The following FHOD3 variants were observed in gnomAD, a reference collection of about 807,000 sequenced individuals.
FHOD3 encodes formin homology 2 domain containing 3.
Under a neutral mutation model 173.0 loss-of-function variants are expected in FHOD3, and 90 were observed. The ratio of observed to expected loss-of-function variants is 0.52; its 90% CI spans 0.44 to 0.62. FHOD3 has a LOEUF of 0.62. Ranked by LOEUF, FHOD3 falls within the 20% of genes least tolerant of loss-of-function variation. The pLI, the probability that FHOD3 is intolerant of heterozygous loss-of-function variation, is 0.00. For synonymous variants in FHOD3, 828 were observed against 823.0 expected, an observed-to-expected ratio of 1.01 and a Z score of -0.10; for missense variants, 1,945 against 2,034.7, an observed-to-expected ratio of 0.96 and a Z score of 0.85.
intron 14 of FHOD3, among the ~76,000 whole-genome samples, chr18:36,662,313 G>A (rs1418311713): frequency 6.6e-6 from 1 of 152,160 alleles, no homozygotes; most frequent in African/African-American, 2.4e-5. Context: ...GGACTAGAGA[G>A]GCCACCTAGA....
At chr18:36,666,680 A>G (rs1354741263) in intron 14 of FHOD3, among the ~76,000 whole-genome samples, 1 of 152,204 alleles carries the variant, frequency 6.6e-6, no homozygotes, top group East Asian at 1.9e-4. Context: ...CAGAGATGAT[A>G]ATTTACTTTT....
intron 14 of FHOD3, among the ~76,000 whole-genome samples, chr18:36,664,777 T>TGAGAGAGAGA (rs373836211): frequency 0.047 from 6,086 of 129,388 alleles, 187 homozygotes; most frequent in Non-Finnish European, 0.062. Context: ...TGTGTGTATG[T>TGAGAGAGAGA]GAGAGAGAGA....
At chr18:36,551,993 T>C (rs560205550) in intron 5 of FHOD3, among the ~76,000 whole-genome samples, 1 of 152,320 alleles carries the variant, frequency 6.6e-6, no homozygotes, top group South Asian at 2.1e-4. Context: ...CTTTTTTGGT[T>C]CCATATGAAC....
chr18:36,707,579 G>A (rs1190901928), intron 17 of FHOD3, among the ~76,000 whole-genome samples: 1 of 152,188 alleles, frequency 6.6e-6, no homozygotes, highest in Non-Finnish European at 1.5e-5. Flanking sequence ...ATTGGGGGGT[G>A]ATGGCCCCGT....
At chr18:36,375,264 A>G (rs79122368) in intron 3 of FHOD3, among the ~76,000 whole-genome samples, 10,027 of 152,260 alleles carry the variant, frequency 0.066, 1,072 homozygotes, top group African/African-American at 0.22. Context: ...CCTTTTTCAC[A>G]TCTGTTGTTT....
At chr18:36,421,691 A>T (rs1303186909) in intron 3 of FHOD3, among the ~76,000 whole-genome samples, 3 of 152,218 alleles carry the variant, frequency 2.0e-5, no homozygotes, top group Non-Finnish European at 4.4e-5. Flanking sequence ...GCAGTCAACA[A>T]GAAAAGAACA....
chr18:36,767,468 C>T (rs1215482297), intron 27 of FHOD3, among the ~76,000 whole-genome samples: 1 of 152,146 alleles, frequency 6.6e-6, no homozygotes, highest in Admixed American at 6.6e-5. Flanking sequence ...TATAGATGCA[C>T]ACCACCATGC....
intron 5 of FHOD3, among the ~76,000 whole-genome samples, chr18:36,568,367 A>AAAAAAAG (rs1568437858): frequency 3.7e-5 from 4 of 109,352 alleles, no homozygotes; most frequent in African/African-American, 1.4e-4. Context: ...AAAAAAAAAA[A>AAAAAAAG]GGTGGTGGAG....
At chr18:36,503,874 A>G (rs889861811) in intron 4 of FHOD3, among the ~76,000 whole-genome samples, 2 of 152,022 alleles carry the variant, frequency 1.3e-5, no homozygotes, top group African/African-American at 4.8e-5. Context: ...CTGAAGTTGT[A>G]CTCCAAAAGT....
intron 14 of FHOD3, among the ~76,000 whole-genome samples, chr18:36,659,486 A>G (rs2036635426): frequency 6.6e-6 from 1 of 152,188 alleles, no homozygotes; most frequent in South Asian, 2.1e-4. Context: ...CCCTTGTCAA[A>G]TGGGATGTAA....
chr18:36,535,733 C>T (rs2056968730), intron 5 of FHOD3, among the ~76,000 whole-genome samples: 1 of 152,062 alleles, frequency 6.6e-6, no homozygotes, highest in South Asian at 2.1e-4. Context: ...ATTGTTGTAA[C>T]AGTATTTAAT....
intron 5 of FHOD3, among the ~76,000 whole-genome samples, chr18:36,565,426 T>C (rs1201649734): frequency 3.3e-5 from 5 of 152,324 alleles, no homozygotes; most frequent in Non-Finnish European, 4.4e-5. Context: ...TGTGTTCTAA[T>C]TGAAGAAAGC....
At position 36,594,767 on chromosome 18, in the gene FHOD3, G is replaced by A. The variant is rs192336811; in HGVS notation, c.607-20G>A. 2.3e-4 allele frequency: 365 copies of A among 1,585,204 alleles called. No homozygotes were observed. Among genetic ancestry groups the A allele is most frequent in the Non-Finnish European group, 3.1e-4 (353 of 1,155,530 alleles). On this transcript the variant is annotated intron_variant, in intron 6 of 28. Coordinates refer to ENST00000590592, the MANE Select transcript of FHOD3 (RefSeq NM_001281740.3). ...AGGGCCTTGTTGGCAGTGATGTGAT[G>A]GTTTTATCTCTTCTGCCAGTTCCGC...
chr18:36,365,202 C>T (rs2046838353), intron 2 of FHOD3, among the ~76,000 whole-genome samples: 1 of 152,106 alleles, frequency 6.6e-6, no homozygotes, highest in Non-Finnish European at 1.5e-5. Context: ...ATGGTTCTTG[C>T]CACATGTGCT....
intron 27 of FHOD3, among the ~76,000 whole-genome samples, chr18:36,763,785 T>C (rs2043025063): frequency 6.6e-6 from 1 of 152,084 alleles, no homozygotes; most frequent in Non-Finnish European, 1.5e-5. Context: ...TTACACCAAC[T>C]GAGGCACAGA....
chr18:36,593,033 T>TA (rs1445486444), intron 6 of FHOD3, among the ~76,000 whole-genome samples: 7 of 152,278 alleles, frequency 4.6e-5, no homozygotes, highest in South Asian at 4.1e-4. Flanking sequence ...CTCAGAGGTC[T>TA]TCCCACACTG....
chr18:36,598,782 C>G (rs2030898025), intron 7 of FHOD3, among the ~76,000 whole-genome samples: 1 of 152,188 alleles, frequency 6.6e-6, no homozygotes, highest in Non-Finnish European at 1.5e-5. Context: ...ATCTCCTGAC[C>G]TCATGATCCA....
chr18:36,440,926 G>A (rs965894423), intron 3 of FHOD3, among the ~76,000 whole-genome samples: 2 of 151,914 alleles, frequency 1.3e-5, no homozygotes, highest in South Asian at 2.1e-4. Context: ...ATCTCCACCC[G>A]CCACCCTCCT....
intron 9 of FHOD3, among the ~76,000 whole-genome samples, chr18:36,625,146 G>A (rs557866127): frequency 6.6e-6 from 1 of 152,320 alleles, no homozygotes; most frequent in East Asian, 1.9e-4. Context: ...GGCTCATGGA[G>A]CAGAAAAGAG....
Sources: allele counts gnomAD v4.1 joint callset (sites outside exome capture counted in the v4.1 genomes callset), GRCh38; gene constraint gnomAD v4.1.1; transcripts MANE v1.5; gene names NCBI Gene and HGNC (gene_info 2026-07-23, HGNC 2026-07-21).